The following SLC52A3 variants were observed in gnomAD, a reference collection of about 807,000 sequenced individuals.
SLC52A3 encodes solute carrier family 52 member 3.
In SLC52A3, 20 loss-of-function variants were observed where a neutral mutation model predicts 29.5. The observed-to-expected ratio is 0.68, with a 90% CI of 0.48 to 0.99. The LOEUF is 0.99. Ranked by LOEUF, SLC52A3 falls within the 50% of genes least tolerant of loss-of-function variation. The probability of loss-of-function intolerance (pLI) is 0.00; values close to 1 mark genes in which losing one functional copy is unlikely to be tolerated. For missense variants in SLC52A3, 548 were observed against 612.9 expected (o/e 0.89, Z 1.12); for synonymous variants, 301 against 271.0 (o/e 1.11, Z -1.09).
At chr20:774,085 C>T (rs533844837) in intron 1 of SLC52A3, among the ~76,000 whole-genome samples, 2 of 152,376 alleles carry the variant, frequency 1.3e-5, no homozygotes. Flanking sequence ...TGTCCTCTCC[C>T]CCAGTGCCCA....
In SLC52A3 at chr20:763,833, C is replaced by G. The variant is rs755895264; in HGVS notation, c.738G>C (p.Arg246Ser). 6.2e-7 allele frequency: 1 copy of G among 1,614,114 alleles called. No individual in the cohort carries two copies. Among genetic ancestry groups the G allele is most frequent in the Admixed American group, 1.7e-5 (1 of 60,014 alleles). The change falls in exon 3 of 5, where the codon AGG (arginine) becomes AGC (serine). Residue 246 changes from arginine to serine, a missense_variant. Coordinates refer to ENST00000645534, the MANE Select transcript of SLC52A3 (RefSeq NM_033409.4). Reference sequence around the variant, plus strand: ...GGTCTTCCACGGAAGCCTCCCAGCACCTGGGTTGACGCTGGAGGACAAAGA... The same window carrying G: ...GGTCTTCCACGGAAGCCTCCCAGCAGCTGGGTTGACGCTGGAGGACAAAGA... ...VAFFVLQRQP[R>S]CWEASVEDLL...
At chr20:767,855 C>T (rs1441221679) in intron 1 of SLC52A3, among the ~76,000 whole-genome samples, 1 of 152,196 alleles carries the variant, frequency 6.6e-6, no homozygotes, top group African/African-American at 2.4e-5. Context: ...ACCCCTTTGT[C>T]AGCTACCAGT....
chr20:765,097 T>G lies in SLC52A3; in HGVS notation c.567+111A>C. 8.1e-7 allele frequency: 1 copy of G among 1,234,598 alleles called. No individual in the cohort carries two copies. 76.5% of individuals were successfully genotyped at this position (1,234,598 alleles called of 1,614,324 possible). A position where few individuals can be genotyped will look rare whatever the true frequency, so the allele number is the denominator to read the frequency against. On this transcript the variant is annotated intron_variant, in intron 2 of 4. Transcript: ENST00000645534. The surrounding 1 kb of genome is among the most constrained non-coding windows in gnomAD (Gnocchi z 6.6). The stretch of plus-strand genomic sequence containing the variant: ...GCTGTTGATCTGCCTTATGTCAGTT[T>G]AACTCATAGGCCGACCAAAGAACCT...
chr20:778,155 A>G (rs1174226952), upstream of SLC52A3, among the ~76,000 whole-genome samples: 1 of 151,924 alleles, frequency 6.6e-6, no homozygotes, highest in Non-Finnish European at 1.5e-5. Context: ...AACTGGGATT[A>G]TAGGCGCACG....
In SLC52A3 at chr20:765,625, C is replaced by T. The variant is rs1986658800; in HGVS notation, c.150G>A (p.Leu50=). The T allele has an allele frequency of 6.2e-7, 1 of 1,606,046 alleles. No homozygotes were observed. Residue 50 remains leucine (L), a synonymous_variant, in exon 2 of 5, where the codon CTG becomes CTA. Transcript: ENST00000645534. The surrounding 1 kb of genome is among the most constrained non-coding windows in gnomAD (Gnocchi z 6.6). The part of the protein sequence containing the change: ...LPSYLTVVIQ[L]ANIGPLLVTL... ...TGACCAGGAGGGGCCCGATGTTGGCCAGCTGGATGACCACCGTGAGGTAGG... is the reference window on the plus strand; with the variant it reads ...TGACCAGGAGGGGCCCGATGTTGGCTAGCTGGATGACCACCGTGAGGTAGG...
upstream of SLC52A3, among the ~76,000 whole-genome samples, chr20:776,522 G>A (rs1759479524): frequency 6.6e-6 from 1 of 152,090 alleles, no homozygotes; most frequent in African/African-American, 2.4e-5. Context: ...GAAGAAACAG[G>A]CCCAGAGAAG....
chr20:763,570 T>C lies in SLC52A3; in HGVS notation c.1001A>G (p.Tyr334Cys). Residue 334 changes from tyrosine to cysteine, a missense_variant, in exon 3 of 5, where the codon TAC becomes TGC. Transcript: ENST00000645534. Reference sequence around the variant, plus strand: ...AATGCTGAGGGTGGCAGCCAGGTGGTAGGCAACTGGCCCATAGGACAGGCA... The same window carrying C: ...AATGCTGAGGGTGGCAGCCAGGTGGCAGGCAACTGGCCCATAGGACAGGCA... ...YSCLSYGPVA[Y>C]HLAATLSIVA... 1 of 1,614,096 alleles carries C rather than the reference T, an allele frequency of 6.2e-7. No homozygotes were observed. Among genetic ancestry groups the C allele is most frequent in the Non-Finnish European group, 8.5e-7 (1 of 1,180,012 alleles).
Position 761,032 on chromosome 20 carries a change from T to C in SLC52A3, c.1404A>G (p.Pro468=), listed in dbSNP as rs1986444598. ...SSADFCNLHC[P]A The stretch of plus-strand genomic sequence containing the variant: ...GGCGGGGTCGGCGGCCTGCCTAGGC[T>C]GGACAGTGCAGATTGCAGAAGTCCG... The change falls in exon 5 of 5, where the codon CCA becomes CCG. Residue 468 remains proline (P), a synonymous_variant. Transcript: ENST00000645534. 1.9e-6 allele frequency: 3 copies of C among 1,605,004 alleles called. No individual in the cohort carries two copies. Among genetic ancestry groups the C allele is most frequent in the East Asian group, 2.3e-5 (1 of 44,216 alleles).
chr20:763,453 A>T, intron 3 of SLC52A3, 45 bp downstream of exon 3: 1 of 1,612,784 alleles, frequency 6.2e-7, no homozygotes, highest in Non-Finnish European at 8.5e-7. Flanking sequence ...TTCTGAAATG[A>T]AGTGTTCCCC....
chr20:775,382 C>T (rs950589967), intron 1 of SLC52A3, among the ~76,000 whole-genome samples: 2 of 151,384 alleles, frequency 1.3e-5, no homozygotes, highest in Non-Finnish European at 2.9e-5. Flanking sequence ...TCATGCGATT[C>T]TCCCACCTCA....
intron 1 of SLC52A3, among the ~76,000 whole-genome samples, chr20:767,229 C>G (rs1986713905): frequency 6.6e-6 from 1 of 152,072 alleles, no homozygotes; most frequent in Non-Finnish European, 1.5e-5. Context: ...TAAATGGAAC[C>G]AGGAAAAAGT....
intron 4 of SLC52A3, chr20:761,493 G>A: frequency 1.3e-6 from 1 of 763,310 alleles, no homozygotes; most frequent in South Asian, 1.8e-5. Context: ...CCCTGCTGAG[G>A]TACACATGGT....
At chr20:776,146 A>C (rs188535423), upstream of SLC52A3, 8 of 152,318 alleles carry the variant, frequency 5.3e-5, no homozygotes, top group African/African-American at 1.9e-4. Context: ...CAGATGGTAG[A>C]ACTGTATAAT....
In SLC52A3 at chr20:761,703, T is replaced by G; in HGVS notation, c.1195A>C (p.Ile399Leu). Residue 399 changes from isoleucine (I) to leucine (L), a missense_variant and splice_region_variant, in exon 4 of 5, where the codon ATT becomes CTT. Physicochemically the swap from Ile to Leu is conservative, Grantham distance 5. This residue lies in a region of SLC52A3 where 173 missense variants were observed against 141.8 expected (regional missense o/e 1.22). Transcript: ENST00000645534. ...AGCCCCACCGGCCGGATACTCACAA[T>G]GAGGACTTCCCCACCCCAGTGGCCC... The part of the protein sequence containing the change: ...LQGHWGGEVL[I>L]VASWVLFSGC... 6.2e-7 allele frequency: 1 copy of G among 1,613,742 alleles called. No homozygotes were observed. Among genetic ancestry groups the G allele is most frequent in the Non-Finnish European group, 8.5e-7 (1 of 1,179,930 alleles).
intron 4 of SLC52A3, chr20:761,447 T>G: frequency 2.7e-6 from 2 of 746,936 alleles, no homozygotes; most frequent in South Asian, 3.7e-5. Context: ...TGGGTTCACG[T>G]GCCCATGATC....
upstream of SLC52A3, among the ~76,000 whole-genome samples, chr20:778,324 C>T (rs551242546): frequency 6.6e-6 from 1 of 151,878 alleles, no homozygotes; most frequent in African/African-American, 2.4e-5. Context: ...ACCAGACAGA[C>T]TTTTATCTGC....
rs530785789 is a variant in SLC52A3 at position 760,129 on chromosome 20, A to G, written c.*897T>C. 4 of 152,260 alleles carry G rather than the reference A, an allele frequency of 2.6e-5. No homozygotes were observed. The highest frequency in any genetic ancestry group is 5.9e-5 in the Non-Finnish European group (4 of 68,018). The allele number at this position is 152,260 out of a possible 1,614,324, so 9.4% of individuals were successfully genotyped here. On this transcript the variant is annotated 3_prime_UTR_variant, in exon 5 of 5. Transcript: ENST00000645534. This position sits in a 1 kb window ranked among gnomAD's most constrained non-coding sequence, Gnocchi z 4.9. ...AAAAAAATGAAAAACAGAAACTAAA[A>G]CAAAATAACAATCACCTCTGTTGCC...
At chr20:770,648 G>A (rs754853856), upstream of SLC52A3, among the ~76,000 whole-genome samples, 7 of 152,190 alleles carry the variant, frequency 4.6e-5, no homozygotes, top group South Asian at 4.1e-4. The surrounding 1 kb of genome is among the most constrained non-coding windows in gnomAD (Gnocchi z 4.5). Context: ...TATTTTCAGC[G>A]ATCGAGAATT....
chr20:779,440 G>A (rs1351121787), upstream of SLC52A3, among the ~76,000 whole-genome samples: 1 of 152,174 alleles, frequency 6.6e-6, no homozygotes, highest in Non-Finnish European at 1.5e-5. Context: ...TGGCCAACAA[G>A]ATGAAACCCT....
Sources: allele counts gnomAD v4.1 joint callset (sites outside exome capture counted in the v4.1 genomes callset), GRCh38; gene constraint gnomAD v4.1.1; regional missense constraint gnomAD v4.1.1; non-coding constraint Gnocchi (gnomAD v3.1); transcripts MANE v1.5; gene names NCBI Gene and HGNC (gene_info 2026-07-23, HGNC 2026-07-21).